Variants in NTN4 observed in about 807,000 individuals in gnomAD.
The protein encoded by NTN4 is netrin 4, also known as netrin-4.
NTN4 carries 32 observed loss-of-function variants against 73.6 expected under a neutral mutation model. The observed-to-expected ratio is 0.44, with a 90% CI of 0.33 to 0.58. The LOEUF (loss-of-function observed/expected upper bound fraction) is 0.58. NTN4 is among the 20% of genes least tolerant of loss of function. NTN4 has a pLI of 0.04. For synonymous variants in NTN4, 258 were observed against 287.5 expected (o/e 0.90, Z 1.04); for missense variants, 654 against 798.3 (o/e 0.82, Z 2.18).
intron 2 of NTN4, among the ~76,000 whole-genome samples, chr12:95,743,681 C>T (rs532285847): frequency 2.0e-5 from 3 of 152,270 alleles, no homozygotes; most frequent in African/African-American, 4.8e-5. Context: ...AACTTAATTT[C>T]ATTGTGGTCA....
chr12:95,725,976 GA>G (rs1395737078), intron 3 of NTN4, among the ~76,000 whole-genome samples: 4 of 151,976 alleles, frequency 2.6e-5, no homozygotes, highest in Non-Finnish European at 4.4e-5. Context: ...TATTGCTTTT[GA>G]AATCAGTCAG....
intron 5 of NTN4, among the ~76,000 whole-genome samples, chr12:95,699,403 G>C (rs2078466130): frequency 6.6e-6 from 1 of 152,182 alleles, no homozygotes; most frequent in Admixed American, 6.5e-5. Context: ...GTACTTGAAA[G>C]ATAGACTGAA....
rs1565873684 is a variant in NTN4, at chr12:95,659,129, A to G, written c.1844T>C (p.Leu615Pro). The G allele has an allele frequency of 6.2e-7, 1 of 1,613,690 alleles. No homozygotes were observed. ...TAAAATATCCATGACTTTTCTTCCA[A>G]GAGAAGGTTTCCAGTGCTGGACAAA... ...KSFVQHWKPS[L>P]GRKVMDILKR... is the part of the protein sequence containing the mutation. Residue 615 changes from leucine (L) to proline (P), a missense_variant, in exon 10 of 10, where the codon CTT becomes CCT. Physicochemically the swap from Leu to Pro is moderately conservative, Grantham distance 98 (BLOSUM62 -3). Coordinates refer to ENST00000343702, the MANE Select transcript of NTN4 (RefSeq NM_021229.4).
upstream of NTN4, among the ~76,000 whole-genome samples, chr12:95,790,930 G>GC (rs923836859): frequency 4.8e-5 from 7 of 145,310 alleles, no homozygotes; most frequent in Non-Finnish European, 9.1e-5. The surrounding 1 kb of genome is among the most constrained non-coding windows in gnomAD (Gnocchi z 6.5). Context: ...CTGCCGCCCG[G>GC]GGGGGGGGTC....
chr12:95,709,546 T>C (rs1592678340), intron 5 of NTN4, among the ~76,000 whole-genome samples: 1 of 151,714 alleles, frequency 6.6e-6, no homozygotes, highest in African/African-American at 2.4e-5. Flanking sequence ...CTCTCTTTTT[T>C]TTTTTTTGGA....
intron 7 of NTN4, among the ~76,000 whole-genome samples, chr12:95,681,136 C>A (rs149486528): frequency 0.017 from 2,404 of 145,000 alleles, 75 homozygotes; most frequent in African/African-American, 0.059. Context: ...TTGCAGTGAG[C>A]CAAGATTGTG....
intron 7 of NTN4, among the ~76,000 whole-genome samples, chr12:95,682,236 G>A (rs2078322932): frequency 6.6e-6 from 1 of 151,246 alleles, no homozygotes; most frequent in East Asian, 1.9e-4. Context: ...TTTTATTTTT[G>A]TAGAGATAAC....
At chr12:95,710,196 G>A (rs923695509) in intron 5 of NTN4, among the ~76,000 whole-genome samples, 1 of 152,088 alleles carries the variant, frequency 6.6e-6, no homozygotes, top group Non-Finnish European at 1.5e-5. Flanking sequence ...AAAATGCAGT[G>A]CTATAGGAAA....
intron 3 of NTN4, among the ~76,000 whole-genome samples, chr12:95,715,256 A>G (rs1277383813): frequency 1.3e-5 from 2 of 152,092 alleles, no homozygotes; most frequent in Non-Finnish European, 2.9e-5. Context: ...GCTAAATTTC[A>G]TTTCAGTGTA....
At chr12:95,782,746 TG>T (rs2079142312) in intron 2 of NTN4, among the ~76,000 whole-genome samples, 1 of 152,202 alleles carries the variant, frequency 6.6e-6, no homozygotes, top group Non-Finnish European at 1.5e-5. Flanking sequence ...CTGTGTGCTT[TG>T]GTTGGTTGCT....
At chr12:95,751,953 T>C (rs1200489872) in intron 2 of NTN4, among the ~76,000 whole-genome samples, 15 of 150,052 alleles carry the variant, frequency 1.0e-4, no homozygotes, top group Non-Finnish European at 1.6e-4. Context: ...ACGCTTTAAC[T>C]AAATTATCTG....
intron 9 of NTN4, 89 bp from the exon 10 acceptor site, chr12:95,659,311 T>C (rs1290601623): frequency 9.6e-7 from 1 of 1,037,756 alleles, no homozygotes; most frequent in Non-Finnish European, 1.4e-6. Flanking sequence ...TTGCATTTAT[T>C]TTGAGACAAG....
intron 2 of NTN4, among the ~76,000 whole-genome samples, chr12:95,767,402 G>T (rs1458509606): frequency 6.6e-6 from 1 of 152,140 alleles, no homozygotes; most frequent in African/African-American, 2.4e-5. Flanking sequence ...TATTTTGTTT[G>T]TTTTGGCAAG....
chr12:95,764,676 CAAA>C (rs11326708), intron 2 of NTN4, among the ~76,000 whole-genome samples: 14 of 98,850 alleles, frequency 1.4e-4, no homozygotes, highest in Admixed American at 2.2e-4. Context: ...CCGCCCCGAC[CAAA>C]AAAAAAAAAA....
At chr12:95,713,380 C>T (rs1393541247) in intron 3 of NTN4, 42 bp from the exon 4 acceptor site, 2 of 1,516,080 alleles carry the variant, frequency 1.3e-6, no homozygotes, top group African/African-American at 2.8e-5. Context: ...ACACATGTCG[C>T]CAAAGAAGAA....
chr12:95,778,019 A>G (rs1440264529), intron 2 of NTN4, among the ~76,000 whole-genome samples: 1 of 152,076 alleles, frequency 6.6e-6, no homozygotes, highest in African/African-American at 2.4e-5. Context: ...ACTCAAAACC[A>G]CTCAACTACA....
chr12:95,669,630 T>C lies in NTN4; in HGVS notation c.1579+448A>G, dbSNP rs187847838. Among the ~76,000 whole-genome samples, 8 of 152,290 alleles carry C rather than the reference T, an allele frequency of 5.3e-5. 1 individual carries two copies. In the South Asian group the frequency reaches 1.4e-3, roughly 28 times the overall value. ...CAATAAGCCAGAAATCAAACTCACA[T>C]AGGTCTGAGTCCAAAGCCTGTGCTC... On this transcript the variant is annotated intron_variant, in intron 8 of 9. Coordinates refer to ENST00000343702, the MANE Select transcript of NTN4 (RefSeq NM_021229.4).
chr12:95,671,566 T>C (rs906403778), intron 7 of NTN4, among the ~76,000 whole-genome samples: 2 of 152,176 alleles, frequency 1.3e-5, no homozygotes, highest in Admixed American at 1.3e-4. Flanking sequence ...GTGCTCTCCT[T>C]ATGAGAATCT....
At position 95,700,763 on chromosome 12, in the gene NTN4, TTTTC is replaced by T. The variant is rs544673918; in HGVS notation, c.1180+9674_1180+9677del. Among the ~76,000 whole-genome samples the T allele has an allele frequency of 2.8e-3, 425 of 152,062 alleles. 3 individuals carry two copies. The highest frequency in any genetic ancestry group is 7.9e-3 in the South Asian group (38 of 4,814). Reference sequence around the variant, plus strand: ...AATTATCTAGGAAGGTTATTCTCTTTTTTCTTTCTTTCTTTTTCTTTTCTTCCCT... The same window carrying T: ...AATTATCTAGGAAGGTTATTCTCTTTTTTCTTTCTTTTTCTTTTCTTCCCT... On this transcript the variant is annotated intron_variant, in intron 5 of 9. Transcript: ENST00000343702.
Sources: gnomAD v4.1 joint callset for allele counts (sites outside exome capture counted in the v4.1 genomes callset) on GRCh38, gnomAD v4.1.1 for gene constraint, Gnocchi (gnomAD v3.1) non-coding constraint, MANE v1.5 for transcripts, NCBI Gene and HGNC (gene_info 2026-07-23, HGNC 2026-07-21) for gene names.